Variants in AKAP1 observed in about 807,000 individuals in gnomAD.
AKAP1 encodes A-kinase anchoring protein 1.
Under a neutral mutation model 79.8 loss-of-function variants are expected in AKAP1, and 32 were observed. The observed-to-expected ratio is 0.40, with a 90% CI of 0.30 to 0.54. The LOEUF is 0.54. Among genes scored for constraint, AKAP1 ranks in the 20% least tolerant of loss-of-function variants. AKAP1 has a pLI of 0.47. For missense variants in AKAP1, 961 were observed against 1,138.9 expected (o/e 0.84, Z 2.25); for synonymous variants, 416 against 466.7 (o/e 0.89, Z 1.40).
In AKAP1 at chr17:57,105,824, A is replaced by T; in HGVS notation, c.360A>T (p.Arg120=). 6.2e-7 allele frequency: 1 copy of T among 1,614,244 alleles called. No individual in the cohort carries two copies. Among genetic ancestry groups the T allele is most frequent in the Non-Finnish European group, 8.5e-7 (1 of 1,180,048 alleles). ...ILPNTTDMRL[R]PGTRRDDSTK... is the part of the protein sequence containing the mutation. ...CTAACACCACAGACATGAGATTGCG[A>T]CCAGGAACACGCAGAGATGACAGTA... is the stretch of plus-strand genomic sequence containing the variant. The change falls in exon 2 of 11, where the codon CGA becomes CGT. Residue 120 remains arginine (R), a synonymous_variant. Coordinates refer to ENST00000337714, the MANE Select transcript of AKAP1 (RefSeq NM_003488.4).
At chr17:57,111,699 T>A in intron 3 of AKAP1, 99 bp from the exon 4 acceptor site, 6 of 1,431,256 alleles carry the variant, frequency 4.2e-6, no homozygotes, top group Non-Finnish European at 2.9e-6. Flanking sequence ...ACAGCTAATA[T>A]GTTTGAGCAT....
At chr17:57,091,506 G>A (rs1478643634) in intron 1 of AKAP1, among the ~76,000 whole-genome samples, 1 of 152,040 alleles carries the variant, frequency 6.6e-6, no homozygotes, top group Non-Finnish European at 1.5e-5. Flanking sequence ...TTTCTATTCT[G>A]GATCTGTGGC....
chr17:57,101,984 C>A (rs1048350901), intron 1 of AKAP1, among the ~76,000 whole-genome samples: 1 of 152,160 alleles, frequency 6.6e-6, no homozygotes, highest in Non-Finnish European at 1.5e-5. Context: ...TCGGTAACAT[C>A]GGTATGTCAG....
intron 3 of AKAP1, 121 bp from the exon 4 acceptor site, chr17:57,111,677 G>T: frequency 8.0e-7 from 1 of 1,244,470 alleles, no homozygotes. Context: ...GAAAATAAAT[G>T]CTGACATGGT....
At chr17:57,096,657 T>C (rs1914131526) in intron 1 of AKAP1, 2 of 152,350 alleles carry the variant, frequency 1.3e-5, no homozygotes, top group Admixed American at 1.3e-4. Context: ...ACCTGAGCCA[T>C]GGCTCCAGCA....
rs11373952 is a variant in AKAP1, at chr17:57,086,797, C to CT, written c.-25+1411dup. Among the ~76,000 whole-genome samples, 105,658 of 148,116 alleles carry CT rather than the reference C, an allele frequency of 0.71. 38,271 individuals carry two copies. The highest frequency in any genetic ancestry group is 0.99 in the East Asian group (5,011 of 5,064). On this transcript the variant is annotated intron_variant, in intron 1 of 10. Coordinates refer to ENST00000337714, the MANE Select transcript of AKAP1 (RefSeq NM_003488.4). The surrounding 1 kb of genome is among the most constrained non-coding windows in gnomAD (Gnocchi z 5.1). ...TGCTAAGTCCTTCCCAAATTAGTAC[C>CT]TTTTTTTTTTTTAACTCTTTATTTA...
chr17:57,095,286 C>T (rs775647818), intron 1 of AKAP1: 2 of 152,072 alleles, frequency 1.3e-5, no homozygotes, highest in Non-Finnish European at 2.9e-5. Flanking sequence ...CTCAGCCTCT[C>T]GAGTAGTTGG....
intron 1 of AKAP1, among the ~76,000 whole-genome samples, chr17:57,103,745 G>GTT (rs1261514510): frequency 6.6e-6 from 1 of 152,200 alleles, no homozygotes. Context: ...AGCATTGAAT[G>GTT]TAAGTGTTCT....
chr17:57,099,064 C>T (rs1054037356), intron 1 of AKAP1, among the ~76,000 whole-genome samples: 1 of 152,104 alleles, frequency 6.6e-6, no homozygotes, highest in Non-Finnish European at 1.5e-5. Flanking sequence ...CGCACCTAGC[C>T]TAGCTGATTT....
Position 57,112,555 on chromosome 17 carries a change from C to T in AKAP1, c.2040C>T (p.Leu680=), listed in dbSNP as rs1175188251. ...LIGKKFKELN[L]TNIYAPPLPS... ...GGAAGAAGTTCAAAGAGCTGAACCT[C>T]ACCAATATCTACGCTCCCCCATTGC... The change falls in exon 5 of 11, where the codon CTC becomes CTT. Residue 680 remains leucine, a synonymous_variant. Coordinates refer to ENST00000337714, the MANE Select transcript of AKAP1 (RefSeq NM_003488.4). 6.2e-7 allele frequency: 1 copy of T among 1,614,176 alleles called. No homozygotes were observed. Among genetic ancestry groups the T allele is most frequent in the Admixed American group, 1.7e-5 (1 of 60,028 alleles).
chr17:57,115,406 C>T (rs1818049297), intron 6 of AKAP1, among the ~76,000 whole-genome samples: 1 of 152,220 alleles, frequency 6.6e-6, no homozygotes, highest in Non-Finnish European at 1.5e-5. Context: ...TGAGGGGTAA[C>T]TGCCAGGGGT....
intron 5 of AKAP1, 93 bp from the exon 6 acceptor site, chr17:57,114,366 C>T: frequency 6.8e-7 from 1 of 1,478,554 alleles, no homozygotes; most frequent in East Asian, 2.3e-5. Flanking sequence ...CAAAGATATG[C>T]TAGCCCAGAG....
intron 5 of AKAP1, among the ~76,000 whole-genome samples, chr17:57,113,590 C>T (rs1193600456): frequency 7.2e-6 from 1 of 138,666 alleles, no homozygotes; most frequent in Non-Finnish European, 1.5e-5. Flanking sequence ...CGTAGACTCA[C>T]TCTCTTTTTT....
At chr17:57,111,982 T>G in intron 4 of AKAP1, 58 bp downstream of exon 4, 102 of 1,534,508 alleles carry the variant, frequency 6.6e-5, no homozygotes, top group Non-Finnish European at 8.6e-5. Context: ...TAGAAGTGAA[T>G]AGCATCTGAG....
At chr17:57,114,409 A>G (rs1288061110) in intron 5 of AKAP1, 50 bp from the exon 6 acceptor site, 2 of 1,593,632 alleles carry the variant, frequency 1.3e-6, no homozygotes, top group Non-Finnish European at 1.7e-6. Context: ...TTATTCAAAG[A>G]TGAGATAAGA....
At chr17:57,101,788 G>A (rs1196447414) in intron 1 of AKAP1, 1 of 152,202 alleles carries the variant, frequency 6.6e-6, no homozygotes, top group African/African-American at 2.4e-5. Flanking sequence ...CAGCAAGTTT[G>A]CAGGATACAA....
intron 1 of AKAP1, among the ~76,000 whole-genome samples, chr17:57,103,699 C>A (rs1040061457): frequency 6.6e-6 from 1 of 152,202 alleles, no homozygotes; most frequent in Non-Finnish European, 1.5e-5. Context: ...AAAGACATTA[C>A]TTTGGCAGAG....
intron 1 of AKAP1, among the ~76,000 whole-genome samples, chr17:57,104,581 T>G (rs1258566099): frequency 6.6e-6 from 1 of 152,268 alleles, no homozygotes; most frequent in Non-Finnish European, 1.5e-5. Context: ...CACAGTCGTC[T>G]ACAGTGGGGC....
At chr17:57,119,614 C>T (rs1305015230) in intron 10 of AKAP1, among the ~76,000 whole-genome samples, 1 of 151,868 alleles carries the variant, frequency 6.6e-6, no homozygotes, top group Middle Eastern at 3.2e-3. Flanking sequence ...GCTTGGGAGG[C>T]TGAGGCAGGA....
Sources: allele counts gnomAD v4.1 joint callset (sites outside exome capture counted in the v4.1 genomes callset), GRCh38; gene constraint gnomAD v4.1.1; non-coding constraint Gnocchi (gnomAD v3.1); transcripts MANE v1.5; gene names NCBI Gene and HGNC (gene_info 2026-07-23, HGNC 2026-07-21).